Variants in KAZN observed in about 807,000 individuals in gnomAD.
The protein encoded by KAZN is kazrin, periplakin interacting protein.
In KAZN, 40 loss-of-function variants were observed where a neutral mutation model predicts 87.4. That is an observed-to-expected ratio of 0.46 (90% confidence interval 0.36 to 0.60). The LOEUF is 0.60. Among genes scored for constraint, KAZN ranks in the 20% least tolerant of loss-of-function variants. The pLI, the probability that KAZN is intolerant of heterozygous loss-of-function variation, is 0.00. For missense variants in KAZN, 898 were observed against 1,073.9 expected (o/e 0.84, Z 2.29); for synonymous variants, 466 against 458.3 (o/e 1.02, Z -0.22).
intron 1 of KAZN, among the ~76,000 whole-genome samples, chr1:14,733,844 T>A (rs1643795200): frequency 6.6e-6 from 1 of 152,148 alleles, no homozygotes. Context: ...TTCTCTGGGG[T>A]TTGGCCCCCC....
chr1:13,971,600 T>G (rs909711046), intron 1 of KAZN, among the ~76,000 whole-genome samples: 16 of 149,726 alleles, frequency 1.1e-4, no homozygotes, highest in African/African-American at 3.2e-4. Flanking sequence ...GTGAGGTTTT[T>G]TTTTTGTTGT....
intron 1 of KAZN, among the ~76,000 whole-genome samples, chr1:13,936,428 A>G (rs1640748276): frequency 6.6e-6 from 1 of 152,020 alleles, no homozygotes. Context: ...CTATATGGAT[A>G]TATTGTGTAG....
At chr1:14,277,831 T>C (rs1432864495) in intron 2 of KAZN, among the ~76,000 whole-genome samples, 1 of 152,148 alleles carries the variant, frequency 6.6e-6, no homozygotes, top group Non-Finnish European at 1.5e-5. Context: ...ATCATTCTAA[T>C]TTAAAATTTT....
At chr1:14,148,334 C>T (rs2101790869) in intron 1 of KAZN, among the ~76,000 whole-genome samples, 1 of 152,312 alleles carries the variant, frequency 6.6e-6, no homozygotes, top group African/African-American at 2.4e-5. Context: ...GGCATATTTT[C>T]TCTGTTGCTT....
intron 1 of KAZN, among the ~76,000 whole-genome samples, chr1:14,635,947 T>A (rs1679949504): frequency 6.6e-6 from 1 of 152,200 alleles, no homozygotes; most frequent in South Asian, 2.1e-4. Flanking sequence ...CCATTGGCAG[T>A]TTCTGTTTAC....
chr1:15,058,179 G>A (rs993243408), intron 5 of KAZN, among the ~76,000 whole-genome samples: 2 of 152,222 alleles, frequency 1.3e-5, no homozygotes, highest in African/African-American at 4.8e-5. Flanking sequence ...TCCAGTGCCT[G>A]GCACTGTGGT....
chr1:14,159,926 A>AT (rs1645674564), intron 1 of KAZN, among the ~76,000 whole-genome samples: 1 of 152,148 alleles, frequency 6.6e-6, no homozygotes, highest in Non-Finnish European at 1.5e-5. Context: ...AGGGGGTCTT[A>AT]TGACTCTGAC....
chr1:14,560,180 C>A (rs1031966764), intron 2 of KAZN, among the ~76,000 whole-genome samples: 1 of 152,092 alleles, frequency 6.6e-6, no homozygotes, highest in Non-Finnish European at 1.5e-5. Context: ...TATTTTTCAT[C>A]GGTCTACAAA....
chr1:14,593,627 C>A (rs762734645), intron 2 of KAZN, among the ~76,000 whole-genome samples: 2 of 152,158 alleles, frequency 1.3e-5, no homozygotes, highest in Non-Finnish European at 2.9e-5. Context: ...CTCTCAAATC[C>A]TTCAGTCTGT....
At chr1:14,518,456 C>G (rs1362017021) in intron 2 of KAZN, among the ~76,000 whole-genome samples, 1 of 152,144 alleles carries the variant, frequency 6.6e-6, no homozygotes, top group Non-Finnish European at 1.5e-5. Context: ...GGATTATAGA[C>G]ATGAGCCACT....
At chr1:14,968,633 G>A (rs922752237) in intron 2 of KAZN, among the ~76,000 whole-genome samples, 2 of 152,218 alleles carry the variant, frequency 1.3e-5, no homozygotes, top group Non-Finnish European at 2.9e-5. Context: ...CAGCCAGCAC[G>A]GGGCGGGTGG....
chr1:14,090,877 G>C (rs913638391), intron 1 of KAZN, among the ~76,000 whole-genome samples: 4 of 152,102 alleles, frequency 2.6e-5, no homozygotes, highest in African/African-American at 9.7e-5. Context: ...ACTTTGGGAG[G>C]CCGCGGTGGG....
At chr1:14,956,606 CAAA>C (rs35132323) in intron 1 of KAZN, among the ~76,000 whole-genome samples, 2 of 138,398 alleles carry the variant, frequency 1.4e-5, no homozygotes, top group Non-Finnish European at 1.6e-5. Flanking sequence ...AACTCTATCT[CAAA>C]AAAAAAAAAA....
At chr1:14,072,870 C>T (rs1379853819) in intron 1 of KAZN, among the ~76,000 whole-genome samples, 1 of 152,172 alleles carries the variant, frequency 6.6e-6, no homozygotes, top group Non-Finnish European at 1.5e-5. Flanking sequence ...TTCTCCTCAC[C>T]TACTAATTCA....
intron 2 of KAZN, among the ~76,000 whole-genome samples, chr1:14,527,509 A>G (rs1337556152): frequency 1.4e-5 from 2 of 147,036 alleles, no homozygotes; most frequent in East Asian, 4.1e-4. Context: ...AGACCATGCC[A>G]TTGCACTCCA....
At chr1:13,906,514 G>A (rs909679964) in intron 1 of KAZN, among the ~76,000 whole-genome samples, 3 of 152,160 alleles carry the variant, frequency 2.0e-5, no homozygotes, top group Non-Finnish European at 2.9e-5. Flanking sequence ...GCTGCTGCCT[G>A]GGCTGGACCG....
intron 11 of KAZN, among the ~76,000 whole-genome samples, chr1:15,102,407 G>A (rs944973894): frequency 1.3e-5 from 2 of 152,094 alleles, no homozygotes; most frequent in Admixed American, 1.3e-4. Context: ...TGTGGTGAAG[G>A]CCCAGAGGAC....
At chr1:14,806,851 C>T (rs1351464009) in intron 1 of KAZN, among the ~76,000 whole-genome samples, 1 of 152,132 alleles carries the variant, frequency 6.6e-6, no homozygotes, top group Non-Finnish European at 1.5e-5. Flanking sequence ...ACATTTGTAC[C>T]CACTCTGCAG....
chr1:14,142,526 C>T (rs959085081), intron 1 of KAZN, among the ~76,000 whole-genome samples: 13 of 152,144 alleles, frequency 8.5e-5, no homozygotes, highest in African/African-American at 1.2e-4. Flanking sequence ...GTGGGATGGC[C>T]GCTACTCACA....
Sources: allele counts gnomAD v4.1 joint callset (sites outside exome capture counted in the v4.1 genomes callset), GRCh38; gene constraint gnomAD v4.1.1; transcripts MANE v1.5; gene names NCBI Gene and HGNC (gene_info 2026-07-23, HGNC 2026-07-21).